Variants in EPM2A observed in about 807,000 individuals in gnomAD.
EPM2A encodes EPM2A glucan phosphatase, laforin.
EPM2A carries 21 observed loss-of-function variants against 26.5 expected under a neutral mutation model. That is an observed-to-expected ratio of 0.79 (90% CI 0.56 to 1.14). EPM2A has a LOEUF of 1.14. Ranked by LOEUF, EPM2A falls within the 50% of genes most tolerant of loss-of-function variation. The pLI is 0.00. For missense variants in EPM2A, 458 were observed against 440.8 expected, an observed-to-expected ratio of 1.04 and a Z score of -0.35; for synonymous variants, 217 against 177.6, an observed-to-expected ratio of 1.22 and a Z score of -1.76.
At chr6:145,705,169 C>T (rs566064279) in intron 1 of EPM2A, among the ~76,000 whole-genome samples, 1 of 152,126 alleles carries the variant, frequency 6.6e-6, no homozygotes, top group Non-Finnish European at 1.5e-5. Flanking sequence ...AAGGTTTGGG[C>T]TGGGCACAGT....
chr6:145,609,665 A>C (rs549477129), intron 2 of EPM2A, among the ~76,000 whole-genome samples: 2 of 152,324 alleles, frequency 1.3e-5, no homozygotes, highest in South Asian at 4.1e-4. Flanking sequence ...GAATAGCTAC[A>C]GAAGGGTTAC....
At chr6:145,507,943 C>A (rs1302661023) in intron 2 of EPM2A, among the ~76,000 whole-genome samples, 1 of 152,094 alleles carries the variant, frequency 6.6e-6, no homozygotes, top group Non-Finnish European at 1.5e-5. Context: ...GGAGACAGTG[C>A]CCCACTAGCT....
chr6:145,512,172 C>CAAATGACCATA (rs1780063044), intron 2 of EPM2A, among the ~76,000 whole-genome samples: 1 of 152,068 alleles, frequency 6.6e-6, no homozygotes, highest in African/African-American at 2.4e-5. Flanking sequence ...CAATATCACT[C>CAAATGACCATA]AAATGACCAT....
intron 4 of EPM2A, among the ~76,000 whole-genome samples, chr6:145,477,327 T>C (rs1394711714): frequency 6.6e-6 from 1 of 151,954 alleles, no homozygotes; most frequent in Non-Finnish European, 1.5e-5. Flanking sequence ...CCTGATGGCT[T>C]CACTGTTGAA....
chr6:145,627,652 C>T lies in EPM2A; in HGVS notation c.760G>A (p.Ala254Thr). ...MLPQAVCLLH[A>T]LLEKGHIVYV... Reference sequence around the variant, plus strand: ...ACGATGTGTCCCTTCTCCAGCAGCGCATGCAGCAGGCACACCGCCTGGGGC... The same window carrying T: ...ACGATGTGTCCCTTCTCCAGCAGCGTATGCAGCAGGCACACCGCCTGGGGC... Residue 254 changes from alanine to threonine, a missense_variant, in exon 4 of 4, where the codon GCG (alanine) becomes ACG (threonine). Coordinates refer to ENST00000367519, the MANE Select transcript of EPM2A (RefSeq NM_005670.4). 6.2e-7 allele frequency: 1 copy of T among 1,614,146 alleles called. No individual in the cohort carries two copies. Among genetic ancestry groups the T allele is most frequent in the Non-Finnish European group, 8.5e-7 (1 of 1,179,988 alleles).
chr6:145,386,802 A>T (rs963544654), intron 4 of EPM2A, among the ~76,000 whole-genome samples: 16 of 152,338 alleles, frequency 1.1e-4, no homozygotes, highest in African/African-American at 3.8e-4. Flanking sequence ...CATGGTGCAG[A>T]TAATCTTAAA....
downstream of EPM2A, among the ~76,000 whole-genome samples, chr6:145,620,597 C>A (rs1364548242): frequency 1.3e-5 from 2 of 152,168 alleles, no homozygotes; most frequent in African/African-American, 4.8e-5. Context: ...ACAGTAAATT[C>A]TATTCAGTGA....
chr6:145,598,421 G>A lies in EPM2A; in HGVS notation c.340+36824C>T, dbSNP rs552469915. On this transcript the variant is annotated intron_variant, in intron 2 of 3. Transcript: ENST00000450221. ...CATTTGCCTACTTTTTAATGGGGTAGGTTGTTTTTCTCTTGTAAATTTGTT... is the reference window on the plus strand; with the variant it reads ...CATTTGCCTACTTTTTAATGGGGTAAGTTGTTTTTCTCTTGTAAATTTGTT... Among the ~76,000 whole-genome samples the A allele has an allele frequency of 3.9e-5, 6 of 152,054 alleles. No individual in the cohort carries two copies. In the South Asian group the frequency reaches 1.2e-3, roughly 32 times the overall value.
chr6:145,564,833 C>A (rs1205943041), intron 2 of EPM2A, among the ~76,000 whole-genome samples: 1 of 151,842 alleles, frequency 6.6e-6, no homozygotes, highest in East Asian at 1.9e-4. Context: ...CTGACATAAA[C>A]TAACATCAGA....
intron 2 of EPM2A, among the ~76,000 whole-genome samples, chr6:145,589,301 A>G (rs1421449995): frequency 6.6e-6 from 1 of 152,168 alleles, no homozygotes; most frequent in Admixed American, 6.6e-5. Flanking sequence ...CTTTACTTAT[A>G]AAGTATTTTA....
chr6:145,662,860 A>G (rs1778830691), intron 2 of EPM2A, among the ~76,000 whole-genome samples: 1 of 152,152 alleles, frequency 6.6e-6, no homozygotes, highest in South Asian at 2.1e-4. Context: ...AGGCCCTTTT[A>G]CAGGTGGTCT....
rs1232825748 is a variant in EPM2A at position 145,735,245 on chromosome 6, C to A, written c.254G>T (p.Trp85Leu). 1 of 1,538,464 alleles carries A rather than the reference C, an allele frequency of 6.5e-7. No homozygotes were observed. The highest frequency in any genetic ancestry group is 2.5e-5 in the East Asian group (1 of 39,350). The change falls in exon 1 of 4, where the codon TGG becomes TTG. Residue 85 changes from tryptophan (W) to leucine (L), a missense_variant. Trp to Leu is a moderately conservative substitution (Grantham distance 61). Coordinates refer to ENST00000367519, the MANE Select transcript of EPM2A (RefSeq NM_005670.4). ...CGGCTCCCGCTTCAGGAACTTGTAC[C>A]AGAACGTGTCCACGCGGCCCGGCTC... ...GAEPGRVDTFWYKFLKREPGG... is the reference protein window; with the variant it reads ...GAEPGRVDTFLYKFLKREPGG...
intron 4 of EPM2A, among the ~76,000 whole-genome samples, chr6:145,402,454 C>T (rs1008970025): frequency 9.2e-5 from 14 of 152,108 alleles, no homozygotes; most frequent in Admixed American, 9.2e-4. Context: ...TCTGAGATGG[C>T]ACCTACTTAT....
At chr6:145,503,290 A>T (rs1364769952) in intron 2 of EPM2A, among the ~76,000 whole-genome samples, 2 of 151,144 alleles carry the variant, frequency 1.3e-5, no homozygotes, top group Non-Finnish European at 2.9e-5. Flanking sequence ...TTAGGAAAAG[A>T]GGAAGTCAAA....
At chr6:145,663,389 C>A (rs376383998) in intron 2 of EPM2A, among the ~76,000 whole-genome samples, 8 of 152,176 alleles carry the variant, frequency 5.3e-5, no homozygotes, top group Middle Eastern at 3.4e-3. Flanking sequence ...TGGGCACAGG[C>A]CAGTGGGTGC....
At chr6:145,584,173 C>G (rs747835138) in intron 2 of EPM2A, among the ~76,000 whole-genome samples, 1 of 152,132 alleles carries the variant, frequency 6.6e-6, no homozygotes, top group Non-Finnish European at 1.5e-5. Context: ...AGCAAAGTGT[C>G]AGGGGGAGGT....
At chr6:145,669,881 C>T (rs549910838) in intron 2 of EPM2A, among the ~76,000 whole-genome samples, 3 of 152,266 alleles carry the variant, frequency 2.0e-5, no homozygotes, top group South Asian at 4.2e-4. Context: ...CTCATTCAAA[C>T]CTAAATCTTC....
intron 2 of EPM2A, among the ~76,000 whole-genome samples, chr6:145,593,883 C>A (rs1246675099): frequency 6.6e-6 from 1 of 151,418 alleles, no homozygotes; most frequent in Admixed American, 6.6e-5. Context: ...TGATTTAAGC[C>A]TAAAGTCATC....
intron 4 of EPM2A, among the ~76,000 whole-genome samples, chr6:145,394,252 G>A (rs1168638138): frequency 6.6e-6 from 1 of 152,086 alleles, no homozygotes; most frequent in Non-Finnish European, 1.5e-5. Context: ...TCATGAGGGA[G>A]GGACCATTCC....
Sources: gnomAD v4.1 joint callset for allele counts (sites outside exome capture counted in the v4.1 genomes callset) on GRCh38, gnomAD v4.1.1 for gene constraint, MANE v1.5 for transcripts, NCBI Gene and HGNC (gene_info 2026-07-23, HGNC 2026-07-21) for gene names.